The following FKBP15 variants were observed in gnomAD, a reference collection of about 807,000 sequenced individuals.
FKBP15 encodes FK506-binding protein 15.
In FKBP15, 106 loss-of-function variants were observed where a neutral mutation model predicts 158.1. The observed-to-expected ratio is 0.67, with a 90% CI of 0.57 to 0.79. The LOEUF (loss-of-function observed/expected upper bound fraction) is 0.79, where lower values mean the gene tolerates loss of function less well. Among genes scored for constraint, FKBP15 ranks in the 30% least tolerant of loss-of-function variants. The pLI is 0.00. For missense variants in FKBP15, 1,287 were observed against 1,479.1 expected, an observed-to-expected ratio of 0.87 and a Z score of 2.13; for synonymous variants, 547 against 548.6, an observed-to-expected ratio of 1.00 and a Z score of 0.04.
At chr9:113,214,427 G>C (rs1415224100) in intron 1 of FKBP15, among the ~76,000 whole-genome samples, 1 of 152,182 alleles carries the variant, frequency 6.6e-6, no homozygotes, top group Non-Finnish European at 1.5e-5. Flanking sequence ...ACTGTCAATG[G>C]GCAGTAATAA....
rs1830266878 is a variant in FKBP15 at position 113,174,415 on chromosome 9, A to C, written c.2379+13T>G. 2 of 1,611,952 alleles carry C rather than the reference A, an allele frequency of 1.2e-6. No individual in the cohort carries two copies. Among genetic ancestry groups the C allele is most frequent in the African/African-American group, 2.7e-5 (2 of 74,780 alleles). ...CTTCCCTCTATTTTCAAAGTGCTTCAGTTTCCCATTACCTGCTCTGCAGCT... is the reference window on the plus strand; with the variant it reads ...CTTCCCTCTATTTTCAAAGTGCTTCCGTTTCCCATTACCTGCTCTGCAGCT... On this transcript the variant is annotated intron_variant, in intron 22 of 27. Coordinates refer to ENST00000238256, the MANE Select transcript of FKBP15 (RefSeq NM_015258.2).
At position 113,173,510 on chromosome 9, in the gene FKBP15, C is replaced by T. The variant is rs1830250186; in HGVS notation, c.2475G>A (p.Gln825=). Residue 825 remains glutamine (Q), a synonymous_variant, in exon 23 of 28, where the codon CAG becomes CAA. Coordinates refer to ENST00000238256, the MANE Select transcript of FKBP15 (RefSeq NM_015258.2). The part of the protein sequence containing the change: ...SAKDEHLQQY[Q]EVCAQRDAYQ... ...AGGCATCTCTCTGTGCGCACACCTC[C>T]TGGTACTGCTGCAGGTGCTCATCCT... 5 of 1,613,902 alleles carry T rather than the reference C, an allele frequency of 3.1e-6. No individual in the cohort carries two copies. The Admixed American group carries it at 5.0e-5, about 16-fold the overall frequency.
chr9:113,171,685 T>C lies in FKBP15; in HGVS notation c.2554A>G (p.Ile852Val). Residue 852 changes from isoleucine (I) to valine (V), a missense_variant, in exon 24 of 28, where the codon ATC becomes GTC. Transcript: ENST00000238256. Reference sequence around the variant, plus strand: ...TCATTTTGCTTGGTGAGAGCTGTGATTTGGGCCTGGAGGGCTAAACACTGC... The same window carrying C: ...TCATTTTGCTTGGTGAGAGCTGTGACTTGGGCCTGGAGGGCTAAACACTGC... ...QEKCLALQAQITALTKQNEQH... is the reference protein window; with the variant it reads ...QEKCLALQAQVTALTKQNEQH... 6.3e-7 allele frequency: 1 copy of C among 1,599,192 alleles called. No homozygotes were observed. Among genetic ancestry groups the C allele is most frequent in the African/African-American group, 1.3e-5 (1 of 74,820 alleles).
At chr9:113,189,907 T>C (rs566797419) in intron 12 of FKBP15, among the ~76,000 whole-genome samples, 1 of 152,302 alleles carries the variant, frequency 6.6e-6, no homozygotes, top group Admixed American at 6.5e-5. Flanking sequence ...TAAAAATACA[T>C]GTGATATTTA....
intron 12 of FKBP15, among the ~76,000 whole-genome samples, chr9:113,189,280 A>T (rs1830534931): frequency 6.6e-6 from 1 of 152,224 alleles, no homozygotes; most frequent in African/African-American, 2.4e-5. Flanking sequence ...GTCTAATAAC[A>T]GAGTGAAAGG....
intron 18 of FKBP15, among the ~76,000 whole-genome samples, 179 bp from the exon 19 acceptor site, chr9:113,183,047 A>G (rs1830427933): frequency 6.6e-6 from 1 of 152,158 alleles, no homozygotes; most frequent in South Asian, 2.1e-4. Flanking sequence ...TCAGGTTGGA[A>G]GCAGGAACCT....
chr9:113,197,738 C>G (rs1049914574), intron 8 of FKBP15, among the ~76,000 whole-genome samples: 1 of 152,120 alleles, frequency 6.6e-6, no homozygotes, highest in African/African-American at 2.4e-5. Flanking sequence ...TGTTTAAGCC[C>G]CTCCAAAAAC....
At chr9:113,219,148 T>A (rs1360940056) in intron 1 of FKBP15, among the ~76,000 whole-genome samples, 1 of 152,030 alleles carries the variant, frequency 6.6e-6, no homozygotes, top group Non-Finnish European at 1.5e-5. Flanking sequence ...TAAAACAAAC[T>A]AACAAACAAA....
chr9:113,205,179 A>G (rs1193753112), intron 4 of FKBP15, among the ~76,000 whole-genome samples: 1 of 152,238 alleles, frequency 6.6e-6, no homozygotes, highest in Non-Finnish European at 1.5e-5. Context: ...AAAAAACTTG[A>G]TAATATGGAC....
chr9:113,175,395 A>G lies in FKBP15; in HGVS notation c.2224-812T>C, dbSNP rs1180837584. ...AAAATAAATAAATAAAATGGAAAAA[A>G]TCCTGGAAAAAAATGCAATTGCAGA... On this transcript the variant is annotated intron_variant, in intron 21 of 27. Transcript: ENST00000238256. Among the ~76,000 whole-genome samples, 8 of 152,178 alleles carry G rather than the reference A, an allele frequency of 5.3e-5. No homozygotes were observed. In the South Asian group the frequency reaches 1.5e-3, roughly 28 times the overall value.
chr9:113,207,212 T>C lies in FKBP15; in HGVS notation c.254A>G (p.Tyr85Cys). 1 of 1,611,188 alleles carries C rather than the reference T, an allele frequency of 6.2e-7. No homozygotes were observed. The highest frequency in any genetic ancestry group is 1.7e-4 in the Middle Eastern group (1 of 6,040). Residue 85 changes from tyrosine (Y) to cysteine (C), a missense_variant and splice_region_variant, in exon 3 of 28, where the codon TAC becomes TGC. By Grantham distance (194) the Tyr-to-Cys change is radical. Coordinates refer to ENST00000238256, the MANE Select transcript of FKBP15 (RefSeq NM_015258.2). ...LVATAVHAYR[Y>C]TNGQYVKQGK... ...AGGGTGTTCCTTCTCAGCGACTTACTATCGATATGCATGGACTGCTGTTGC... is the reference window on the plus strand; with the variant it reads ...AGGGTGTTCCTTCTCAGCGACTTACCATCGATATGCATGGACTGCTGTTGC...
At chr9:113,176,722 G>T in intron 20 of FKBP15, 49 bp from the exon 21 acceptor site, 1 of 1,581,146 alleles carries the variant, frequency 6.3e-7, no homozygotes, top group Non-Finnish European at 8.6e-7. Flanking sequence ...AAGCTGTAAT[G>T]GGCTATGTGT....
At chr9:113,193,146 T>C (rs537449245) in intron 11 of FKBP15, among the ~76,000 whole-genome samples, 1 of 152,312 alleles carries the variant, frequency 6.6e-6, no homozygotes, top group African/African-American at 2.4e-5. Context: ...GGCCACATGC[T>C]TATAAGAATC....
chr9:113,177,628 T>TA, intron 20 of FKBP15, among the ~76,000 whole-genome samples: 1 of 152,084 alleles, frequency 6.6e-6, no homozygotes. Context: ...CTACAAAATA[T>TA]AAAAAATTTT....
Position 113,211,497 on chromosome 9 carries a change from C to A in FKBP15, c.149G>T (p.Gly50Val), listed in dbSNP as rs1246253693. 32 of 1,608,108 alleles carry A rather than the reference C, an allele frequency of 2.0e-5. No individual in the cohort carries two copies. Among genetic ancestry groups the A allele is most frequent in the Non-Finnish European group, 2.7e-5 (32 of 1,177,466 alleles). ...CTTACCTGTTGCTGCCGTTCCCTGG[C>A]CTTTCTTAGGCTGTTTTGGGGCTGT... ...QYTAPKQPKK[G>V]QGTAATGNQA... The change falls in exon 2 of 28, where the codon GGC (glycine) becomes GTC (valine). Residue 50 changes from glycine to valine, a missense_variant. By Grantham distance (109) the Gly-to-Val change is moderately radical (BLOSUM62 -3). Transcript: ENST00000238256.
intron 2 of FKBP15, among the ~76,000 whole-genome samples, chr9:113,210,248 C>T (rs1830973849): frequency 6.6e-6 from 1 of 151,676 alleles, no homozygotes; most frequent in Non-Finnish European, 1.5e-5. Flanking sequence ...GTCAAGGATA[C>T]ACAACCTGGC....
At position 113,194,009 on chromosome 9, in the gene FKBP15, AC is replaced by A. The variant is rs982723821; in HGVS notation, c.1007+17del. 8.8e-6 allele frequency: 14 copies of A among 1,588,556 alleles called. No homozygotes were observed. The highest frequency in any genetic ancestry group is 1.1e-5 in the Non-Finnish European group (13 of 1,165,878). On this transcript the variant is annotated intron_variant, in intron 10 of 27. Transcript: ENST00000238256. ...TTTATGAGCCATAAAAGAGCTTGAT[AC>A]AACTGCAGTATCTTACCCTGATTTG...
Position 113,163,473 on chromosome 9 carries a change from T to G in FKBP15, c.*2605A>C, listed in dbSNP as rs1261431502. ...GGATCATGTTGACAAACTAAGTTTT[T>G]TTTATTTTTCCCATTGAACTCCTAG... On this transcript the variant is annotated 3_prime_UTR_variant, in exon 28 of 28. Transcript: ENST00000238256. 6.6e-6 allele frequency: 1 copy of G among 152,634 alleles called. No homozygotes were observed. The highest frequency in any genetic ancestry group is 2.4e-5 in the African/African-American group (1 of 41,446). 9.5% of individuals were successfully genotyped at this position (152,634 alleles called of 1,614,324 possible). A position where few individuals can be genotyped will look rare whatever the true frequency, so the allele number is the denominator to read the frequency against.
In FKBP15 at chr9:113,178,709, C is replaced by A; in HGVS notation, c.2007G>T (p.Leu669=). 6.2e-7 allele frequency: 1 copy of A among 1,609,148 alleles called. No individual in the cohort carries two copies. The highest frequency in any genetic ancestry group is 1.1e-5 in the South Asian group (1 of 89,808). Residue 669 remains leucine, a synonymous_variant, in exon 20 of 28, where the codon CTG becomes CTT. Transcript: ENST00000238256. ...TCAGGCTTTCTGTCAGCTGCATCTG[C>A]AGCTCTGTTTCCTTTTTTTGGTGAG... is the stretch of plus-strand genomic sequence containing the variant. ...MTAHQKKETE[L]QMQLTESLKE... is the part of the protein sequence containing the mutation.
Sources: allele counts gnomAD v4.1 joint callset (sites outside exome capture counted in the v4.1 genomes callset), GRCh38; gene constraint gnomAD v4.1.1; transcripts MANE v1.5; gene names NCBI Gene and HGNC (gene_info 2026-07-23, HGNC 2026-07-21).